DAB2IP: variants seen among roughly 807,000 people sequenced by gnomAD.
The protein encoded by DAB2IP is DAB2 interacting protein.
In DAB2IP, 28 loss-of-function variants were observed where a neutral mutation model predicts 107.2. The observed-to-expected ratio is 0.26, with a 90% CI of 0.19 to 0.36. The LOEUF (loss-of-function observed/expected upper bound fraction) is 0.36. DAB2IP is among the 10% of genes least tolerant of loss of function. The probability of loss-of-function intolerance (pLI) is 1.00; values close to 1 mark genes in which losing one functional copy is unlikely to be tolerated. For synonymous variants in DAB2IP, 755 were observed against 706.4 expected (o/e 1.07, Z -1.09); for missense variants, 1,400 against 1,644.7 (o/e 0.85, Z 2.57).
chr9:121,773,290 C>T (rs750267399), exon 12 of DAB2IP: 28 of 1,524,178 alleles, frequency 1.8e-5, no homozygotes, highest in Non-Finnish European at 2.3e-5. Flanking sequence ...GACCAGCCTC[C>T]GCCCCCACCC....
chr9:121,718,725 G>A (rs1188799210), intron 3 of DAB2IP, among the ~76,000 whole-genome samples: 1 of 152,252 alleles, frequency 6.6e-6, no homozygotes, highest in East Asian at 1.9e-4. Flanking sequence ...ACCTGGCGAA[G>A]AGCAAGCGCA....
At chr9:121,733,328 C>T (rs761391062) in intron 3 of DAB2IP, among the ~76,000 whole-genome samples, 39 of 152,346 alleles carry the variant, frequency 2.6e-4, no homozygotes, top group Middle Eastern at 3.4e-3. Context: ...TGCATCTCTC[C>T]CCACGGGATG....
At position 121,701,251 on chromosome 9, in the gene DAB2IP, C is replaced by G. The variant is rs1207061218; in HGVS notation, c.362+1793C>G. 2.6e-5 allele frequency among the ~76,000 whole-genome samples: 4 copies of G among 152,194 alleles called. No homozygotes were observed. Among genetic ancestry groups the G allele is most frequent in the African/African-American group, 9.7e-5 (4 of 41,442 alleles). ...ATGTTTACCTCCTTACAGCGGGAAG[C>G]CTGTACCTAGAAGCCGGCAAGTGCT... On this transcript the variant is annotated intron_variant, in intron 3 of 15. Transcript: ENST00000408936. This position sits in a 1 kb window ranked among gnomAD's most constrained non-coding sequence, Gnocchi z 4.7.
rs1030886890 is a variant in DAB2IP at position 121,699,851 on chromosome 9, C to G, written c.362+393C>G. ...GACCCATCCCCCTGCCTTGGGAGCC[C>G]CTGGGTATCAGATACAAAAGGCATT... is the stretch of plus-strand genomic sequence containing the variant. On this transcript the variant is annotated intron_variant, in intron 3 of 15. Transcript: ENST00000408936. This position sits in a 1 kb window ranked among gnomAD's most constrained non-coding sequence, Gnocchi z 6.2. Among the ~76,000 whole-genome samples, 5 of 152,186 alleles carry G rather than the reference C, an allele frequency of 3.3e-5. No individual in the cohort carries two copies. The highest frequency in any genetic ancestry group is 7.4e-5 in the Non-Finnish European group (5 of 68,024).
intron 14 of DAB2IP, among the ~76,000 whole-genome samples, chr9:121,777,738 G>T (rs776454630): frequency 7.9e-5 from 12 of 151,066 alleles, no homozygotes; most frequent in Middle Eastern, 3.4e-3. Flanking sequence ...ATACATTTAG[G>T]CTGTTTATGT....
At chr9:121,596,919 C>T (rs1468471297) in intron 1 of DAB2IP, among the ~76,000 whole-genome samples, 2 of 152,202 alleles carry the variant, frequency 1.3e-5, no homozygotes, top group Non-Finnish European at 2.9e-5. Context: ...TTGCACCAAT[C>T]TGACAGGCAT....
chr9:121,596,331 C>CAAAAAAATA (rs928352154), intron 1 of DAB2IP, among the ~76,000 whole-genome samples: 2 of 151,786 alleles, frequency 1.3e-5, no homozygotes, highest in African/African-American at 2.4e-5. Context: ...AACTCCATCT[C>CAAAAAAATA]AAAAAAATAA....
chr9:121,712,168 G>A (rs1027938741), intron 3 of DAB2IP, among the ~76,000 whole-genome samples: 1 of 152,218 alleles, frequency 6.6e-6, no homozygotes, highest in African/African-American at 2.4e-5. Context: ...ACTGGGTTGG[G>A]GGCTGGCTCT....
In DAB2IP at chr9:121,723,814, T is replaced by C. The variant is rs138501974; in HGVS notation, c.362+24356T>C. Among the ~76,000 whole-genome samples the C allele has an allele frequency of 4.2e-4, 64 of 152,290 alleles. No individual in the cohort carries two copies. In the East Asian group the frequency reaches 0.01, roughly 25 times the overall value. On this transcript the variant is annotated intron_variant, in intron 3 of 15. Coordinates refer to ENST00000408936, the Ensembl canonical transcript of DAB2IP. ...ATGGTGAAGATTTGTCTACTTAGGC[T>C]GGTGAGCCCACTCGGGGTGGAGCAC... is the stretch of plus-strand genomic sequence containing the variant.
chr9:121,719,439 C>T (rs2118810288), intron 3 of DAB2IP, among the ~76,000 whole-genome samples: 1 of 152,300 alleles, frequency 6.6e-6, no homozygotes, highest in Admixed American at 6.5e-5. Flanking sequence ...GAGGGAACCC[C>T]ATGAGCCTAG....
At chr9:121,688,180 C>T (rs1324386717) in intron 2 of DAB2IP, among the ~76,000 whole-genome samples, 1 of 152,192 alleles carries the variant, frequency 6.6e-6, no homozygotes, top group Non-Finnish European at 1.5e-5. Context: ...ATTTTCCCAC[C>T]TCCTCATGCT....
chr9:121,652,100 A>G (rs1055051550), intron 1 of DAB2IP, among the ~76,000 whole-genome samples: 4 of 152,000 alleles, frequency 2.6e-5, no homozygotes, highest in African/African-American at 9.7e-5. Flanking sequence ...CCGAGGCTCT[A>G]GGGTCTCCTC....
rs139583122 is a variant in DAB2IP at position 121,577,367 on chromosome 9, G to A, written c.40+10139G>A. On this transcript the variant is annotated intron_variant, in intron 1 of 16. Coordinates refer to the DAB2IP transcript ENST00000259371. The stretch of plus-strand genomic sequence containing the variant: ...GCCGGATCGCCAGCACCCCAGGCTC[G>A]AAGCGTTCCAGCCGGTGACCTACAT... Among the ~76,000 whole-genome samples, 1,134 of 152,322 alleles carry A rather than the reference G, an allele frequency of 7.4e-3. 66 individuals carry two copies. Among genetic ancestry groups the A allele is most frequent in the Admixed American group, 0.066 (1,015 of 15,308 alleles).
intron 14 of DAB2IP, among the ~76,000 whole-genome samples, chr9:121,780,973 G>T (rs117789343): frequency 0.01 from 1,561 of 152,320 alleles, 10 homozygotes; most frequent in Non-Finnish European, 0.018. Flanking sequence ...TCCGTGCAGG[G>T]TGTAGTTAGT....
Position 121,731,742 on chromosome 9 carries a change from C to T in DAB2IP, c.363-25271C>T, listed in dbSNP as rs34260059. On this transcript the variant is annotated intron_variant, in intron 3 of 15. Coordinates refer to ENST00000408936, the Ensembl canonical transcript of DAB2IP. ...CACTGACCTCCAGGTGCCCGGGTTA[C>T]AGTACCTGGCATTAGATCTCTTCTT... Among the ~76,000 whole-genome samples the T allele has an allele frequency of 2.5e-3, 375 of 152,282 alleles. 7 individuals are homozygous for T. The highest frequency in any genetic ancestry group is 1.7e-3 in the Non-Finnish European group (115 of 68,030).
intron 3 of DAB2IP, among the ~76,000 whole-genome samples, chr9:121,719,936 A>G (rs905076554): frequency 1.3e-5 from 2 of 152,222 alleles, no homozygotes; most frequent in Admixed American, 6.5e-5. Context: ...TGTGGGGGCC[A>G]CTAAGAGAGT....
At chr9:121,718,938 T>C (rs1334036710) in intron 3 of DAB2IP, among the ~76,000 whole-genome samples, 1 of 152,222 alleles carries the variant, frequency 6.6e-6, no homozygotes, top group Non-Finnish European at 1.5e-5. Flanking sequence ...TTGCTCCTCA[T>C]TTTTTGTGCC....
intron 1 of DAB2IP, among the ~76,000 whole-genome samples, chr9:121,567,498 T>C (rs1829834336): frequency 6.6e-6 from 1 of 152,194 alleles, no homozygotes; most frequent in Non-Finnish European, 1.5e-5. Context: ...GTTTTGCTCC[T>C]GGCCAAGAAG....
At chr9:121,614,246 C>T (rs1831188030) in intron 1 of DAB2IP, among the ~76,000 whole-genome samples, 1 of 152,094 alleles carries the variant, frequency 6.6e-6, no homozygotes, top group African/African-American at 2.4e-5. Context: ...CCCTTCCCAT[C>T]CTACCTTTCT....
Sources: gnomAD v4.1 joint callset for allele counts (sites outside exome capture counted in the v4.1 genomes callset) on GRCh38, gnomAD v4.1.1 for gene constraint, Gnocchi (gnomAD v3.1) non-coding constraint, MANE v1.5 for transcripts, NCBI Gene and HGNC (gene_info 2026-07-23, HGNC 2026-07-21) for gene names.